STRBP: variants seen among roughly 807,000 people sequenced by gnomAD.
STRBP encodes spermatid perinuclear RNA-binding protein.
Under a neutral mutation model 80.1 loss-of-function variants are expected in STRBP, and 13 were observed. The ratio of observed to expected loss-of-function variants is 0.16; its 90% CI spans 0.11 to 0.26. The LOEUF (loss-of-function observed/expected upper bound fraction) is 0.26. STRBP is among the 10% of genes least tolerant of loss of function. STRBP has a pLI of 1.00. For missense variants in STRBP, 485 were observed against 815.2 expected (o/e 0.59, Z 4.93); for synonymous variants, 284 against 291.2 (o/e 0.98, Z 0.25).
chr9:123,201,764 G>T (rs376355297), intron 2 of STRBP, among the ~76,000 whole-genome samples: 3 of 152,158 alleles, frequency 2.0e-5, no homozygotes, highest in Admixed American at 2.0e-4. Flanking sequence ...CAGTCCATTT[G>T]TTCTAGCATT....
intron 17 of STRBP, among the ~76,000 whole-genome samples, chr9:123,129,415 A>G (rs2036038277): frequency 6.6e-6 from 1 of 152,226 alleles, no homozygotes; most frequent in African/African-American, 2.4e-5. Context: ...TTTCTAAAGT[A>G]GAACAAGGGC....
chr9:123,226,356 T>C (rs1331184826), intron 2 of STRBP, among the ~76,000 whole-genome samples: 1 of 152,234 alleles, frequency 6.6e-6, no homozygotes, highest in Non-Finnish European at 1.5e-5. Flanking sequence ...TATTTTACTA[T>C]ATTCAAAGTA....
intron 1 of STRBP, among the ~76,000 whole-genome samples, chr9:123,243,278 A>G (rs569229942): frequency 1.5e-3 from 228 of 151,014 alleles, no homozygotes; most frequent in Non-Finnish European, 2.4e-3. Flanking sequence ...AAAAAAAAAA[A>G]AAAAAAGAAA....
At chr9:123,216,179 T>C (rs902657470) in intron 2 of STRBP, among the ~76,000 whole-genome samples, 11 of 152,192 alleles carry the variant, frequency 7.2e-5, no homozygotes, top group African/African-American at 2.2e-4. Flanking sequence ...CCTAATCCTT[T>C]GCCTGGCATG....
intron 1 of STRBP, among the ~76,000 whole-genome samples, chr9:123,258,947 G>C (rs1410699027): frequency 1.3e-5 from 2 of 151,888 alleles, no homozygotes; most frequent in Non-Finnish European, 2.9e-5. Context: ...GTTTTACTCT[G>C]AGCAAGATGG....
downstream of STRBP, among the ~76,000 whole-genome samples, chr9:123,116,666 G>A (rs576142208): frequency 3.3e-5 from 5 of 152,290 alleles, no homozygotes; most frequent in Admixed American, 2.0e-4. Flanking sequence ...GGAAAGGTGA[G>A]CCGAACACAT....
chr9:123,145,352 C>T (rs1588479064), intron 13 of STRBP, among the ~76,000 whole-genome samples: 1 of 152,294 alleles, frequency 6.6e-6, no homozygotes, highest in East Asian at 1.9e-4. Context: ...TATATCACTG[C>T]ATCAAATGAA....
chr9:123,260,144 G>A (rs1409670863), intron 1 of STRBP, among the ~76,000 whole-genome samples: 1 of 152,222 alleles, frequency 6.6e-6, no homozygotes, highest in Non-Finnish European at 1.5e-5. Context: ...AATATAGTAT[G>A]TGTGTGCCAA....
intron 2 of STRBP, among the ~76,000 whole-genome samples, chr9:123,224,351 C>T (rs532830646): frequency 3.3e-5 from 5 of 152,150 alleles, no homozygotes; most frequent in Non-Finnish European, 5.9e-5. Context: ...TTAACTCTCT[C>T]GCAGTTCAGG....
intron 1 of STRBP, among the ~76,000 whole-genome samples, chr9:123,239,238 G>C (rs755877884): frequency 3.1e-4 from 47 of 152,118 alleles, no homozygotes; most frequent in Non-Finnish European, 6.0e-4. Flanking sequence ...AGCCAGGCAT[G>C]GTGGCGGGCG....
chr9:123,246,153 A>C (rs1285656086), intron 1 of STRBP, among the ~76,000 whole-genome samples: 1 of 152,224 alleles, frequency 6.6e-6, no homozygotes, highest in Non-Finnish European at 1.5e-5. Flanking sequence ...ATTTAAAATA[A>C]CCTCGTGACT....
At chr9:123,234,909 G>C (rs1237575998) in intron 2 of STRBP, among the ~76,000 whole-genome samples, 1 of 150,126 alleles carries the variant, frequency 6.7e-6, no homozygotes, top group African/African-American at 2.5e-5. Flanking sequence ...GCAGTCAGCT[G>C]AGCCTGGGCA....
chr9:123,254,514 A>G (rs980121444), intron 1 of STRBP, among the ~76,000 whole-genome samples: 1 of 151,766 alleles, frequency 6.6e-6, no homozygotes, highest in African/African-American at 2.4e-5. Context: ...TCTTGCCCCA[A>G]CTCTGCCACT....
rs181827671 is a variant in STRBP at position 123,262,815 on chromosome 9, G to T, written c.-302+5621C>A. ...TTAGGACAAGAAATAATTCAAATTA[G>T]ACATGAAAATTACAAATCAGGTCAC... On this transcript the variant is annotated intron_variant, in intron 1 of 18. Transcript: ENST00000348403. Among the ~76,000 whole-genome samples the T allele has an allele frequency of 1.3e-3, 199 of 152,254 alleles. 1 individual carries two copies. Among genetic ancestry groups the T allele is most frequent in the African/African-American group, 4.7e-3 (194 of 41,542 alleles).
chr9:123,143,404 T>C (rs1454454171), intron 13 of STRBP, among the ~76,000 whole-genome samples: 2 of 152,222 alleles, frequency 1.3e-5, no homozygotes, highest in African/African-American at 4.8e-5. Context: ...AAACTACTGA[T>C]TTCTTCTTTT....
chr9:123,229,219 T>C (rs1588133516), intron 2 of STRBP, among the ~76,000 whole-genome samples: 1 of 152,016 alleles, frequency 6.6e-6, no homozygotes, highest in African/African-American at 2.4e-5. Flanking sequence ...GGGTACAGAG[T>C]TTCTTTTTCA....
intron 1 of STRBP, among the ~76,000 whole-genome samples, chr9:123,261,095 T>C (rs940414391): frequency 1.9e-4 from 29 of 152,210 alleles, no homozygotes; most frequent in African/African-American, 6.8e-4. Context: ...AATCTTATAG[T>C]ACCAATAACG....
chr9:123,178,616 A>G (rs1215932342), intron 4 of STRBP, among the ~76,000 whole-genome samples: 1 of 152,206 alleles, frequency 6.6e-6, no homozygotes, highest in Non-Finnish European at 1.5e-5. Flanking sequence ...TCTTCTACAC[A>G]AGGATTTTTA....
At chr9:123,179,334 G>T in intron 3 of STRBP, 107 bp from the exon 4 acceptor site, 1 of 917,770 alleles carries the variant, frequency 1.1e-6, no homozygotes, top group Non-Finnish European at 1.6e-6. Context: ...ACTGTCTACT[G>T]TGAAACAGTT....
Sources: gnomAD v4.1 joint callset for allele counts (sites outside exome capture counted in the v4.1 genomes callset) on GRCh38, gnomAD v4.1.1 for gene constraint, MANE v1.5 for transcripts, NCBI Gene and HGNC (gene_info 2026-07-23, HGNC 2026-07-21) for gene names.